SLC5A4: variants seen among roughly 807,000 people sequenced by gnomAD.
SLC5A4 encodes solute carrier family 5 member 4, also known as probable glucose sensor protein SLC5A4.
Under a neutral mutation model 70.3 loss-of-function variants are expected in SLC5A4, and 55 were observed. The observed-to-expected ratio is 0.78, with a 90% CI of 0.63 to 0.98. The LOEUF is 0.98. SLC5A4 is among the 50% of genes least tolerant of loss of function. The pLI is 0.00. For missense variants in SLC5A4, 735 were observed against 839.2 expected (o/e 0.88, Z 1.53); for synonymous variants, 268 against 305.7 (o/e 0.88, Z 1.29).
the SLC5A4 span, among the ~76,000 whole-genome samples, chr22:32,307,108 C>CCAGTGCAGTCTATGTAAAT: frequency 2.0e-5 from 3 of 151,878 alleles, no homozygotes; most frequent in African/African-American, 7.3e-5. Context: ...TCTATGTAAA[C>CCAGTGCAGTCTATGTAAAT]GGTATCCCTG....
chr22:32,245,336 C>T (rs890564644), intron 5 of SLC5A4, among the ~76,000 whole-genome samples: 6 of 152,266 alleles, frequency 3.9e-5, no homozygotes, highest in African/African-American at 1.4e-4. Flanking sequence ...ACAGACTCTG[C>T]ACAGCCACAG....
chr22:32,247,600 G>A lies in SLC5A4; in HGVS notation c.373-85C>T, dbSNP rs148497421. The A allele has an allele frequency of 1.1e-3, 960 of 859,352 alleles. 13 individuals are homozygous for A. In the African/African-American group the frequency reaches 0.014, roughly 13 times the overall value. The allele number at this position is 859,352 out of a possible 1,614,324, so 53.2% of individuals were successfully genotyped here. On this transcript the variant is annotated intron_variant, in intron 4 of 14. Coordinates refer to ENST00000266086, the MANE Select transcript of SLC5A4 (RefSeq NM_014227.3). ...TATTCAGCATTTCCTAAGCACCTGT[G>A]AGTGAAAGTCCTGTGTGTGGCCCCT... is the stretch of plus-strand genomic sequence containing the variant.
At chr22:32,256,818 GT>G (rs918831990), upstream of SLC5A4, among the ~76,000 whole-genome samples, 1 of 152,142 alleles carries the variant, frequency 6.6e-6, no homozygotes, top group Admixed American at 6.5e-5. Context: ...CCATTCAACT[GT>G]TGATGGGCAT....
intron 5 of SLC5A4, among the ~76,000 whole-genome samples, chr22:32,242,068 T>C (rs1926563508): frequency 6.6e-6 from 1 of 152,180 alleles, no homozygotes; most frequent in Non-Finnish European, 1.5e-5. Flanking sequence ...AAAGTATATG[T>C]ATGTGTGTGT....
chr22:32,333,199 C>CA, the SLC5A4 span, among the ~76,000 whole-genome samples: 10 of 147,598 alleles, frequency 6.8e-5, no homozygotes, highest in Admixed American at 5.5e-4. Flanking sequence ...CACTGGCACC[C>CA]CCCCCCCAGA....
chr22:32,286,281 T>C, the SLC5A4 span, among the ~76,000 whole-genome samples: 1 of 152,226 alleles, frequency 6.6e-6, no homozygotes, highest in Admixed American at 6.5e-5. Context: ...CATAGTGTTT[T>C]TGTAGTATGT....
At chr22:32,219,530 A>C (rs1924929615) in intron 14 of SLC5A4, among the ~76,000 whole-genome samples, 1 of 150,624 alleles carries the variant, frequency 6.6e-6, no homozygotes, top group Non-Finnish European at 1.5e-5. Context: ...TTTGAGGGAA[A>C]TGTATATGGT....
chr22:32,249,318 A>G (rs1252264539), intron 3 of SLC5A4, among the ~76,000 whole-genome samples: 1 of 152,186 alleles, frequency 6.6e-6, no homozygotes, highest in Non-Finnish European at 1.5e-5. Flanking sequence ...CTTATCTTAG[A>G]GAGGGGGAAC....
upstream of SLC5A4, among the ~76,000 whole-genome samples, chr22:32,258,885 C>T (rs1196752526): frequency 6.6e-6 from 1 of 152,192 alleles, no homozygotes; most frequent in Admixed American, 6.5e-5. Flanking sequence ...GAATATTATT[C>T]AGCCTTTGAA....
chr22:32,234,796 A>G, intron 8 of SLC5A4, 77 bp downstream of exon 8: 1 of 1,050,242 alleles, frequency 9.5e-7, no homozygotes, highest in Non-Finnish European at 1.5e-6. Flanking sequence ...TGAGACAAGA[A>G]AGAACAAGCA....
the SLC5A4 span, among the ~76,000 whole-genome samples, chr22:32,322,685 G>A: frequency 3.2e-4 from 48 of 152,240 alleles, no homozygotes; most frequent in African/African-American, 1.1e-3. Flanking sequence ...TGGAGCCCTC[G>A]GTTGCACAAA....
the SLC5A4 span, chr22:32,270,459 G>A: frequency 9.7e-7 from 1 of 1,035,442 alleles, no homozygotes; most frequent in Non-Finnish European, 1.5e-6. Context: ...AGAATCCCAA[G>A]GGGGAGGGCA....
chr22:32,292,408 T>C, the SLC5A4 span, among the ~76,000 whole-genome samples: 2 of 148,756 alleles, frequency 1.3e-5, no homozygotes. Context: ...ATTTGTTTTT[T>C]TCTAGTGTAT....
At chr22:32,288,713 A>G in the SLC5A4 span, among the ~76,000 whole-genome samples, 57 of 151,888 alleles carry the variant, frequency 3.8e-4, no homozygotes, top group East Asian at 0.011. Flanking sequence ...CGCCTGGATA[A>G]TTTTTTATTT....
chr22:32,348,450 T>C, the SLC5A4 span, among the ~76,000 whole-genome samples: 4 of 152,004 alleles, frequency 2.6e-5, no homozygotes, highest in South Asian at 2.1e-4. Flanking sequence ...TCCAGGGGAG[T>C]GCCTCCCAGT....
chr22:32,277,059 A>C, the SLC5A4 span: 1 of 152,222 alleles, frequency 6.6e-6, no homozygotes, highest in African/African-American at 2.4e-5. Flanking sequence ...ACATTATGAA[A>C]TAATTTTTTC....
At chr22:32,237,439 C>A (rs1926129302) in intron 6 of SLC5A4, 115 bp from the exon 7 acceptor site, 1 of 653,104 alleles carries the variant, frequency 1.5e-6, no homozygotes, top group South Asian at 2.0e-5. Flanking sequence ...TAGAAGACAT[C>A]AAAAGCTCCT....
intron 3 of SLC5A4, among the ~76,000 whole-genome samples, chr22:32,251,495 C>T (rs1927154668): frequency 6.6e-6 from 1 of 151,814 alleles, no homozygotes; most frequent in African/African-American, 2.4e-5. Flanking sequence ...TTCTCTCTCT[C>T]TCTCATCCTC....
Position 32,225,650 on chromosome 22 carries a change from C to T in SLC5A4, c.1449+5G>A, listed in dbSNP as rs775697986. The T allele has an allele frequency of 1.3e-6, 2 of 1,585,920 alleles. No homozygotes were observed. Among genetic ancestry groups the T allele is most frequent in the South Asian group, 1.2e-5 (1 of 85,600 alleles). ...AGGGAAACTTTTTTTCCAGTTTTCA[C>T]TCACCTGTTCATTGACTCTTTTACA... On this transcript the variant is annotated splice_donor_5th_base_variant and intron_variant, in intron 12 of 14. Transcript: ENST00000266086.
Sources: gnomAD v4.1 joint callset for allele counts (sites outside exome capture counted in the v4.1 genomes callset) on GRCh38, gnomAD v4.1.1 for gene constraint, MANE v1.5 for transcripts, NCBI Gene and HGNC (gene_info 2026-07-23, HGNC 2026-07-21) for gene names.